The following CRB1 variants were observed in gnomAD, a reference collection of about 807,000 sequenced individuals.
CRB1 encodes the protein crumbs cell polarity complex component 1, also known as protein crumbs homolog 1.
CRB1 carries 83 observed loss-of-function variants against 120.0 expected under a neutral mutation model. The observed-to-expected ratio is 0.69, with a 90% CI of 0.58 to 0.83. The LOEUF (loss-of-function observed/expected upper bound fraction) is 0.83. Among genes scored for constraint, CRB1 ranks in the 40% least tolerant of loss-of-function variants. CRB1 has a pLI of 0.00. For synonymous variants in CRB1, 625 were observed against 612.5 expected, an observed-to-expected ratio of 1.02 and a Z score of -0.30; for missense variants, 1,699 against 1,687.6, an observed-to-expected ratio of 1.01 and a Z score of -0.12.
At chr1:197,230,718 A>G in the CRB1 span, among the ~76,000 whole-genome samples, 1 of 152,116 alleles carries the variant, frequency 6.6e-6, no homozygotes, top group African/African-American at 2.4e-5. Flanking sequence ...TACTCCTTGT[A>G]TTTTTCAGAG....
the CRB1 span, among the ~76,000 whole-genome samples, chr1:197,240,821 A>T: frequency 3.9e-5 from 6 of 152,190 alleles, no homozygotes; most frequent in Admixed American, 2.6e-4. Context: ...ACTAATTTAT[A>T]TTCCCACCAA....
the CRB1 span, among the ~76,000 whole-genome samples, chr1:197,231,314 G>C: frequency 6.6e-6 from 1 of 152,020 alleles, no homozygotes; most frequent in African/African-American, 2.4e-5. Context: ...TCTTATTTTT[G>C]ATATTTTTCA....
intron 11 of CRB1, among the ~76,000 whole-genome samples, chr1:197,455,421 G>A (rs920604003): frequency 1.3e-5 from 2 of 152,048 alleles, no homozygotes; most frequent in African/African-American, 4.8e-5. Flanking sequence ...CAACCAAACC[G>A]AAAACTGCCA....
the CRB1 span, among the ~76,000 whole-genome samples, chr1:197,253,404 A>G: frequency 2.0e-5 from 3 of 152,098 alleles, no homozygotes; most frequent in African/African-American, 7.2e-5. Context: ...GTTTCATAGC[A>G]CTTTGAACAT....
chr1:197,208,327 G>A, the CRB1 span, among the ~76,000 whole-genome samples: 1 of 152,096 alleles, frequency 6.6e-6, no homozygotes, highest in Admixed American at 6.5e-5. Context: ...TTGTTTTTCT[G>A]GTTACTTCTC....
intron 1 of CRB1, among the ~76,000 whole-genome samples, chr1:197,288,697 G>A (rs1344249278): frequency 2.6e-5 from 4 of 151,824 alleles, no homozygotes; most frequent in South Asian, 2.1e-4. Flanking sequence ...CGAAAAGTAC[G>A]TTGGAAGAGA....
intron 2 of CRB1, among the ~76,000 whole-genome samples, chr1:197,338,758 T>G (rs1236002749): frequency 6.6e-6 from 1 of 152,110 alleles, no homozygotes; most frequent in African/African-American, 2.4e-5. Context: ...TAATAAAATA[T>G]AATCAAATAG....
At chr1:197,237,362 A>G in the CRB1 span, among the ~76,000 whole-genome samples, 1 of 152,204 alleles carries the variant, frequency 6.6e-6, no homozygotes, top group African/African-American at 2.4e-5. Flanking sequence ...ATATCTGGTG[A>G]GAGCCTCTTT....
chr1:197,370,800 T>G (rs973328639), intron 5 of CRB1, among the ~76,000 whole-genome samples: 11 of 152,156 alleles, frequency 7.2e-5, no homozygotes, highest in Non-Finnish European at 1.3e-4. Context: ...CGGTACCTTC[T>G]CCTCAGTCAC....
At chr1:197,300,021 C>A (rs1656773743) in intron 1 of CRB1, among the ~76,000 whole-genome samples, 1 of 151,920 alleles carries the variant, frequency 6.6e-6, no homozygotes, top group South Asian at 2.1e-4. Context: ...TTGGGCACCA[C>A]AAACCATGCC....
rs2125469069 is a variant in CRB1, at chr1:197,421,096, G to A, written c.1268G>A (p.Cys423Tyr). 3.7e-6 allele frequency: 6 copies of A among 1,614,142 alleles called. No individual in the cohort carries two copies. Among genetic ancestry groups the A allele is most frequent in the Non-Finnish European group, 5.1e-6 (6 of 1,180,010 alleles). ...ENLPGNYTCH[C>Y]PFDNLSRTFY... ...TTGCCTGGGAATTATACTTGCCATT[G>A]CCCATTTGATAACCTTTCTAGAACT... The change falls in exon 6 of 12, where the codon TGC becomes TAC. Residue 423 changes from cysteine (C) to tyrosine (Y), a missense_variant. Physicochemically the swap from Cys to Tyr is radical, Grantham distance 194 (BLOSUM62 -2). Transcript: ENST00000367400.
chr1:197,325,532 A>G (rs766518512), intron 1 of CRB1, among the ~76,000 whole-genome samples: 3 of 152,188 alleles, frequency 2.0e-5, no homozygotes, highest in Non-Finnish European at 4.4e-5. Context: ...AATATAGATA[A>G]CTATAGAATT....
intron 5 of CRB1, among the ~76,000 whole-genome samples, chr1:197,371,643 G>A (rs1661375458): frequency 6.6e-6 from 1 of 152,008 alleles, no homozygotes; most frequent in Non-Finnish European, 1.5e-5. Flanking sequence ...TTTGTGTCAG[G>A]AAAAAATGCA....
At chr1:197,290,356 G>A (rs537697758) in intron 1 of CRB1, among the ~76,000 whole-genome samples, 1 of 149,916 alleles carries the variant, frequency 6.7e-6, no homozygotes, top group East Asian at 2.0e-4. Context: ...TGGGATAGAT[G>A]CAGAGTCTCA....
At chr1:197,384,756 C>G (rs1323428771) in intron 5 of CRB1, among the ~76,000 whole-genome samples, 1 of 152,062 alleles carries the variant, frequency 6.6e-6, no homozygotes, top group South Asian at 2.1e-4. Context: ...AATTGTTTAG[C>G]ATTTACGGAT....
At chr1:197,432,918 C>T (rs141121789) in intron 8 of CRB1, among the ~76,000 whole-genome samples, 3 of 151,992 alleles carry the variant, frequency 2.0e-5, no homozygotes, top group Non-Finnish European at 4.4e-5. Flanking sequence ...AAAAGGCCTG[C>T]GCTGGGAACA....
chr1:197,294,535 A>G (rs979245653), intron 1 of CRB1, among the ~76,000 whole-genome samples: 16 of 152,156 alleles, frequency 1.1e-4, no homozygotes, highest in Middle Eastern at 3.2e-3. Flanking sequence ...ATACCATTTG[A>G]CCCAGCCATC....
the CRB1 span, among the ~76,000 whole-genome samples, chr1:197,224,289 A>G: frequency 4.6e-5 from 7 of 152,288 alleles, no homozygotes; most frequent in South Asian, 1.5e-3. Flanking sequence ...TATTCAGGTC[A>G]TAAAACACAA....
chr1:197,255,965 T>TTATATATA, the CRB1 span, among the ~76,000 whole-genome samples: 3,198 of 85,142 alleles, frequency 0.038, 106 homozygotes, highest in Non-Finnish European at 0.053. Context: ...ATAGAACATT[T>TTATATATA]TATATATATA....
Sources: allele counts gnomAD v4.1 joint callset (sites outside exome capture counted in the v4.1 genomes callset), GRCh38; gene constraint gnomAD v4.1.1; transcripts MANE v1.5; gene names NCBI Gene and HGNC (gene_info 2026-07-23, HGNC 2026-07-21).